The following TUSC3 variants were observed in gnomAD, a reference collection of about 807,000 sequenced individuals.
TUSC3 encodes the protein tumor suppressor candidate 3, also known as dolichyl-diphosphooligosaccharide--protein glycosyltransferase subunit TUSC3.
Under a neutral mutation model 44.8 loss-of-function variants are expected in TUSC3, and 45 were observed. The observed-to-expected ratio is 1.00, with a 90% CI of 0.79 to 1.29. The LOEUF is 1.29. Among genes scored for constraint, TUSC3 ranks in the 50% most tolerant of loss-of-function variants. The pLI is 0.00. For missense variants in TUSC3, 519 were observed against 437.9 expected (o/e 1.19, Z -1.65); for synonymous variants, 212 against 152.9 (o/e 1.39, Z -2.85).
the TUSC3 span, among the ~76,000 whole-genome samples, chr8:15,822,711 TGAAAAGCAG>T: frequency 6.6e-6 from 1 of 152,094 alleles, no homozygotes; most frequent in South Asian, 2.1e-4. Flanking sequence ...CTGTGAGGTA[TGAAAAGCAG>T]GAAAATGGTG....
chr8:15,671,212 A>G (rs770469433), intron 5 of TUSC3, among the ~76,000 whole-genome samples: 3 of 151,986 alleles, frequency 2.0e-5, no homozygotes, highest in African/African-American at 4.8e-5. Context: ...GGTTATGTAG[A>G]TTATGATTAG....
chr8:15,846,179 A>G, the TUSC3 span, among the ~76,000 whole-genome samples: 1 of 152,330 alleles, frequency 6.6e-6, no homozygotes, highest in Non-Finnish European at 1.5e-5. Flanking sequence ...GAATGGGGAC[A>G]CAGCCAAACC....
chr8:15,805,169 G>A, the TUSC3 span, among the ~76,000 whole-genome samples: 12 of 152,032 alleles, frequency 7.9e-5, no homozygotes, highest in South Asian at 2.1e-4. Context: ...ACTGATTTTC[G>A]TACAAAGATT....
intron 6 of TUSC3, among the ~76,000 whole-genome samples, chr8:15,676,454 G>C (rs753958117): frequency 6.6e-6 from 1 of 152,060 alleles, no homozygotes; most frequent in Non-Finnish European, 1.5e-5. Context: ...TTCTTTTGCT[G>C]TGCCAAAGCC....
the TUSC3 span, among the ~76,000 whole-genome samples, chr8:15,795,804 A>G: frequency 1.4e-4 from 22 of 152,322 alleles, no homozygotes; most frequent in South Asian, 1.2e-3. Context: ...GATCAGTTTG[A>G]GTAATGCAGT....
intron 1 of TUSC3, among the ~76,000 whole-genome samples, chr8:15,436,638 T>C (rs1401334864): frequency 6.6e-6 from 1 of 152,166 alleles, no homozygotes; most frequent in Non-Finnish European, 1.5e-5. Context: ...GCATTACTTA[T>C]TGACTATGTA....
chr8:15,728,878 A>G (rs62503662), intron 6 of TUSC3, among the ~76,000 whole-genome samples: 31,171 of 152,006 alleles, frequency 0.21, 4,109 homozygotes, highest in Non-Finnish European at 0.3. Flanking sequence ...CTCATCCTCA[A>G]GATTGGGGTC....
chr8:15,435,107 C>G (rs899117159), intron 1 of TUSC3, among the ~76,000 whole-genome samples: 1 of 148,936 alleles, frequency 6.7e-6, no homozygotes, highest in Non-Finnish European at 1.5e-5. Context: ...TGAGGAATCG[C>G]CACACCGACT....
At chr8:15,820,046 C>T in the TUSC3 span, among the ~76,000 whole-genome samples, 52,295 of 151,970 alleles carry the variant, frequency 0.34, 10,020 homozygotes, top group African/African-American at 0.5. Flanking sequence ...TCCTAGTTTG[C>T]TGAGATTTTT....
intron 1 of TUSC3, among the ~76,000 whole-genome samples, chr8:15,461,745 G>GA (rs1049517058): frequency 1.5e-5 from 2 of 130,958 alleles, no homozygotes; most frequent in African/African-American, 2.8e-5. Flanking sequence ...AATCATAAAG[G>GA]AAAAAAAAAG....
intron 2 of TUSC3, among the ~76,000 whole-genome samples, chr8:15,507,069 A>G (rs1801061472): frequency 6.6e-6 from 1 of 152,198 alleles, no homozygotes; most frequent in African/African-American, 2.4e-5. Flanking sequence ...TACATATGAA[A>G]TAACTTTGTA....
At chr8:15,516,894 G>A (rs548346575) in intron 2 of TUSC3, among the ~76,000 whole-genome samples, 16 of 152,144 alleles carry the variant, frequency 1.1e-4, no homozygotes, top group East Asian at 3.9e-4. Flanking sequence ...TATTATTTCC[G>A]TGTAATTTTA....
intron 2 of TUSC3, among the ~76,000 whole-genome samples, chr8:15,506,665 G>A (rs748005730): frequency 2.0e-5 from 3 of 152,104 alleles, no homozygotes; most frequent in African/African-American, 4.8e-5. Flanking sequence ...TAAAATCATC[G>A]GATCTTGTGA....
At chr8:15,536,680 TCAAAAAAAAAAAAAAAA>T (rs1801526330), upstream of TUSC3, among the ~76,000 whole-genome samples, 1 of 22,768 alleles carries the variant, frequency 4.4e-5, no homozygotes, top group Admixed American at 7.5e-4. Flanking sequence ...AGATTCCGTC[TCAAAAAAAAAAAAAAAA>T]AAAAAAAAAA....
intron 1 of TUSC3, among the ~76,000 whole-genome samples, chr8:15,556,158 C>G (rs1046649782): frequency 9.6e-6 from 1 of 104,038 alleles, no homozygotes; most frequent in African/African-American, 3.6e-5. Context: ...CCTCCCCCCT[C>G]CCCCCACCCC....
At chr8:15,722,097 G>A (rs964196329) in intron 6 of TUSC3, among the ~76,000 whole-genome samples, 1 of 151,934 alleles carries the variant, frequency 6.6e-6, no homozygotes, top group Non-Finnish European at 1.5e-5. Flanking sequence ...TGGGGCTTAG[G>A]GTTGTTTTAC....
chr8:15,816,636 T>C, the TUSC3 span, among the ~76,000 whole-genome samples: 3 of 152,184 alleles, frequency 2.0e-5, no homozygotes, highest in Admixed American at 6.5e-5. Flanking sequence ...GTTCATTCAT[T>C]ACAAGCTTTT....
chr8:15,807,705 C>T, the TUSC3 span, among the ~76,000 whole-genome samples: 1 of 152,142 alleles, frequency 6.6e-6, no homozygotes, highest in Non-Finnish European at 1.5e-5. Flanking sequence ...AAAGCATGTC[C>T]TTTGCAGCAA....
Position 15,504,598 on chromosome 8 carries a change from TATATATATATATATATATATA to T in TUSC3, n.189+21116_189+21136del, listed in dbSNP as rs1267166012. 1.6e-3 allele frequency among the ~76,000 whole-genome samples: 64 copies of T among 39,162 alleles called. 1 individual carries two copies. Among genetic ancestry groups the T allele is most frequent in the African/African-American group, 9.0e-3 (63 of 6,978 alleles). 25.7% of individuals were successfully genotyped at this position (39,162 alleles called of 152,430 possible). On this transcript the variant is annotated intron_variant and non_coding_transcript_variant, in intron 2 of 5. Coordinates refer to the TUSC3 transcript ENST00000503191. The stretch of plus-strand genomic sequence containing the variant: ...TTCAGGATATATATATATATATATA[TATATATATATATATATATATA>T]TATTTTTTTTTTTTTTTTTTTTTAA...
Sources: allele counts gnomAD v4.1 joint callset (sites outside exome capture counted in the v4.1 genomes callset), GRCh38; gene constraint gnomAD v4.1.1; transcripts MANE v1.5; gene names NCBI Gene and HGNC (gene_info 2026-07-23, HGNC 2026-07-21).